Variants in TLN2 observed in about 807,000 individuals in gnomAD.
TLN2 encodes the protein talin-2.
A neutral mutation model predicts 294.7 loss-of-function variants in TLN2; 118 were observed. The observed-to-expected ratio is 0.40, with a 90% confidence interval of 0.34 to 0.47. The LOEUF is 0.47. Among genes scored for constraint, TLN2 ranks in the 20% least tolerant of loss-of-function variants. TLN2 has a pLI of 0.84. For synonymous variants in TLN2, 1,431 were observed against 1,304.5 expected, an observed-to-expected ratio of 1.10 and a Z score of -2.09; for missense variants, 3,083 against 3,282.2, an observed-to-expected ratio of 0.94 and a Z score of 1.48.
At chr15:62,453,809 C>T (rs988385260) in intron 1 of TLN2, 2 of 152,562 alleles carry the variant, frequency 1.3e-5, no homozygotes, top group Non-Finnish European at 2.9e-5. Flanking sequence ...CTTACCTTCT[C>T]CCCTTTGGGT....
chr15:62,697,701 C>A lies in TLN2; in HGVS notation c.1306C>A (p.Gln436Lys). Residue 436 changes from glutamine (Q) to lysine (K), a missense_variant, in exon 15 of 59, where the codon CAG (glutamine) becomes AAG (lysine). Coordinates refer to ENST00000636159, the MANE Select transcript of TLN2 (RefSeq NM_015059.3). Reference sequence around the variant, plus strand: ...TTTTCCCGGCAGGTCCACCATCTTGCAGCAGCAGTTCAACCGGACCGGGAA... The same window carrying A: ...TTTTCCCGGCAGGTCCACCATCTTGAAGCAGCAGTTCAACCGGACCGGGAA... ...SVSPKKSTIL[Q>K]QQFNRTGKAE... The A allele has an allele frequency of 1.3e-6, 2 of 1,599,274 alleles. No individual in the cohort carries two copies. The highest frequency in any genetic ancestry group is 1.7e-6 in the Non-Finnish European group (2 of 1,169,090).
rs759899530 is a variant in TLN2, at chr15:62,402,095, T to TA, written c.-238+11411dup. On this transcript the variant is annotated intron_variant, in intron 1 of 58. Coordinates refer to ENST00000636159, the MANE Select transcript of TLN2 (RefSeq NM_015059.3). Reference sequence around the variant, plus strand: ...TTTTAACCCCAAGCCATAGGAGAAATATAGCTTATGTGATGACCCAATACA... The same window carrying TA: ...TTTTAACCCCAAGCCATAGGAGAAATAATAGCTTATGTGATGACCCAATACA... 2.0e-5 allele frequency among the ~76,000 whole-genome samples: 3 copies of TA among 152,274 alleles called. No homozygotes were observed. In the East Asian group the frequency reaches 5.8e-4, roughly 29 times the overall value.
intron 54 of TLN2, among the ~76,000 whole-genome samples, chr15:62,823,595 T>C (rs1360881463): frequency 6.6e-6 from 1 of 152,202 alleles, no homozygotes; most frequent in Non-Finnish European, 1.5e-5. Flanking sequence ...AGTAATTTTG[T>C]CTAAAATGCT....
In TLN2 at chr15:62,481,215, T is replaced by C. The variant is rs535761233; in HGVS notation, c.-238+90530T>C. Among the ~76,000 whole-genome samples, 583 of 134,154 alleles carry C rather than the reference T, an allele frequency of 4.3e-3. 2 individuals carry two copies. The highest frequency in any genetic ancestry group is 6.7e-3 in the Non-Finnish European group (391 of 58,052). The allele number at this position is 134,154 out of a possible 152,430, so 88.0% of individuals were successfully genotyped here. A position where few individuals can be genotyped will look rare whatever the true frequency, so the allele number is the denominator to read the frequency against. On this transcript the variant is annotated intron_variant, in intron 1 of 58. Transcript: ENST00000636159. ...TTAACTGAGAAGTTGCAAGTTGTTC[T>C]TTTTTCTTTTTTTTTTCTCTTGCTG...
intron 11 of TLN2, among the ~76,000 whole-genome samples, chr15:62,678,074 C>T (rs780587373): frequency 2.0e-5 from 3 of 151,788 alleles, no homozygotes; most frequent in South Asian, 2.1e-4. Context: ...GGATTACAGG[C>T]GTGAGCCACC....
At chr15:62,826,425 G>T (rs569861075) in intron 54 of TLN2, among the ~76,000 whole-genome samples, 2 of 152,208 alleles carry the variant, frequency 1.3e-5, no homozygotes, top group African/African-American at 2.4e-5. Context: ...CCATTTGGCA[G>T]TTTCTCTGCC....
rs752974353 is a variant in TLN2, at chr15:62,838,971, G to A, written c.7490G>A (p.Gly2497Asp). The change falls in exon 58 of 59, where the codon GGC (glycine) becomes GAC (aspartate). Residue 2497 changes from glycine (G) to aspartate (D), a missense_variant. Physicochemically the swap from Gly to Asp is moderately conservative, Grantham distance 94 (BLOSUM62 -1). Transcript: ENST00000636159. ...DVVVKTKFVG[G>D]IAQIIAAQEE... Reference sequence around the variant, plus strand: ...GTAGTGAAAACCAAGTTTGTGGGGGGCATTGCTCAGGTTTGTAATTAAATC... The same window carrying A: ...GTAGTGAAAACCAAGTTTGTGGGGGACATTGCTCAGGTTTGTAATTAAATC... 3.2e-5 allele frequency: 51 copies of A among 1,613,974 alleles called. No homozygotes were observed. The highest frequency in any genetic ancestry group is 4.1e-5 in the Non-Finnish European group (48 of 1,179,996).
At chr15:62,824,233 A>C (rs769561857) in intron 54 of TLN2, among the ~76,000 whole-genome samples, 6 of 152,216 alleles carry the variant, frequency 3.9e-5, no homozygotes, top group Non-Finnish European at 8.8e-5. Flanking sequence ...TTGATGTTTC[A>C]TAAGAGCCTG....
At position 62,720,554 on chromosome 15, in the gene TLN2, C is replaced by T. The variant is rs148292549; in HGVS notation, c.2991+674C>T. Among the ~76,000 whole-genome samples, 541 of 152,084 alleles carry T rather than the reference C, an allele frequency of 3.6e-3. 4 individuals carry two copies. Among genetic ancestry groups the T allele is most frequent in the Admixed American group, 6.0e-3 (92 of 15,282 alleles). ...GACCCAGTGATACATCTATTTGGTT[C>T]ATTTTTCAAGTTATATAACTCTAAC... On this transcript the variant is annotated intron_variant, in intron 25 of 58. Coordinates refer to ENST00000636159, the MANE Select transcript of TLN2 (RefSeq NM_015059.3).
intron 54 of TLN2, chr15:62,832,807 G>C (rs1446022566): frequency 6.8e-6 from 1 of 146,700 alleles, no homozygotes; most frequent in Non-Finnish European, 1.5e-5. Flanking sequence ...CCAGGAAAAA[G>C]ACAACTTTTC....
intron 1 of TLN2, among the ~76,000 whole-genome samples, chr15:62,474,714 AT>A (rs1335385716): frequency 6.6e-6 from 1 of 152,166 alleles, no homozygotes; most frequent in East Asian, 1.9e-4. Flanking sequence ...GCTGTTGACG[AT>A]TCCTTGAAAT....
chr15:62,639,460 G>C (rs2050756161), intron 3 of TLN2, among the ~76,000 whole-genome samples: 1 of 152,168 alleles, frequency 6.6e-6, no homozygotes, highest in African/African-American at 2.4e-5. Flanking sequence ...TTTAGCACTT[G>C]AGTTTTAACG....
intron 1 of TLN2, among the ~76,000 whole-genome samples, chr15:62,579,214 T>C (rs775892995): frequency 4.6e-5 from 7 of 152,064 alleles, no homozygotes; most frequent in African/African-American, 7.2e-5. Context: ...TCACTGGCCA[T>C]GTGAGGAAAG....
chr15:62,562,906 T>TCTCACACA (rs1195322655), intron 1 of TLN2, among the ~76,000 whole-genome samples: 2 of 99,244 alleles, frequency 2.0e-5, no homozygotes, highest in African/African-American at 3.8e-5. Flanking sequence ...TAGTATTCCA[T>TCTCACACA]CACACACACA....
chr15:62,392,145 G>T (rs1366058205), intron 1 of TLN2, among the ~76,000 whole-genome samples: 2 of 152,242 alleles, frequency 1.3e-5, no homozygotes, highest in Non-Finnish European at 2.9e-5. Flanking sequence ...CTCGCAGCTC[G>T]TAGAGGCGAG....
intron 32 of TLN2, among the ~76,000 whole-genome samples, chr15:62,741,748 C>CGCGCGCGCGCGTGTGTGT: frequency 1.5e-5 from 2 of 131,072 alleles, no homozygotes; most frequent in Non-Finnish European, 3.2e-5. Flanking sequence ...AAAATTTGCG[C>CGCGCGCGCGCGTGTGTGT]GTGTGTGTGT....
At chr15:62,556,227 C>T (rs144871308) in intron 1 of TLN2, among the ~76,000 whole-genome samples, 1 of 150,962 alleles carries the variant, frequency 6.6e-6, no homozygotes, top group East Asian at 1.9e-4. Flanking sequence ...TTCCTTTCCC[C>T]TCCTACCCTT....
At chr15:62,626,212 TAGGTC>T (rs1246880814) in intron 3 of TLN2, among the ~76,000 whole-genome samples, 2 of 152,358 alleles carry the variant, frequency 1.3e-5, no homozygotes, top group African/African-American at 4.8e-5. Context: ...AATGATTTTA[TAGGTC>T]ACCAATTCTA....
intron 34 of TLN2, among the ~76,000 whole-genome samples, chr15:62,750,977 T>C (rs1380162192): frequency 3.9e-5 from 6 of 151,928 alleles, no homozygotes; most frequent in African/African-American, 1.4e-4. Context: ...GGTGAAATTG[T>C]TTTGTTTTGT....
Sources: allele counts gnomAD v4.1 joint callset (sites outside exome capture counted in the v4.1 genomes callset), GRCh38; gene constraint gnomAD v4.1.1; transcripts MANE v1.5; gene names NCBI Gene and HGNC (gene_info 2026-07-23, HGNC 2026-07-21).